Variants in YWHAQ observed in about 807,000 individuals in gnomAD.
The protein encoded by YWHAQ is tyrosine 3-monooxygenase/tryptophan 5-monooxygenase activation protein theta, also known as 14-3-3 protein theta.
A neutral mutation model predicts 28.3 loss-of-function variants in YWHAQ; 6 were observed. That is an observed-to-expected ratio of 0.21 (90% CI 0.12 to 0.42). The LOEUF is 0.42. YWHAQ is among the 10% of genes least tolerant of loss of function. The pLI is 1.00. For missense variants in YWHAQ, 201 were observed against 305.6 expected (o/e 0.66, Z 2.55); for synonymous variants, 143 against 119.1 (o/e 1.20, Z -1.31).
intron 2 of YWHAQ, among the ~76,000 whole-genome samples, chr2:9,625,273 A>C (rs544105602): frequency 1.8e-4 from 28 of 151,872 alleles, no homozygotes; most frequent in East Asian, 1.2e-3. Context: ...AAAAAAAAAA[A>C]AACCCAAACC....
chr2:9,585,645 C>T (rs1666327726), intron 5 of YWHAQ, among the ~76,000 whole-genome samples: 1 of 152,134 alleles, frequency 6.6e-6, no homozygotes, highest in African/African-American at 2.4e-5. Flanking sequence ...CAGTGGCTCA[C>T]GCCTGTAATC....
chr2:9,626,590 G>A (rs1334053455), intron 2 of YWHAQ, among the ~76,000 whole-genome samples: 1 of 152,114 alleles, frequency 6.6e-6, no homozygotes. Flanking sequence ...CACCACGCCT[G>A]GCTAATTTTT....
intron 2 of YWHAQ, among the ~76,000 whole-genome samples, chr2:9,627,167 A>G (rs1667263557): frequency 1.3e-5 from 2 of 152,224 alleles, no homozygotes; most frequent in African/African-American, 4.8e-5. Flanking sequence ...AAGGGTTGAG[A>G]GTTGTTCACA....
chr2:9,599,315 G>A (rs1039169486), intron 2 of YWHAQ, among the ~76,000 whole-genome samples: 1 of 152,214 alleles, frequency 6.6e-6, no homozygotes, highest in Non-Finnish European at 1.5e-5. Context: ...TAGAGCTGCA[G>A]TAAGTTATCC....
chr2:9,595,736 ATAGT>A (rs1307372215), intron 2 of YWHAQ, among the ~76,000 whole-genome samples: 1 of 150,456 alleles, frequency 6.6e-6, no homozygotes, highest in Non-Finnish European at 1.5e-5. Flanking sequence ...AGACGGGAGT[ATAGT>A]TAGATGTTCC....
intron 2 of YWHAQ, among the ~76,000 whole-genome samples, chr2:9,625,155 G>T (rs1043310636): frequency 1.3e-5 from 2 of 150,962 alleles, no homozygotes; most frequent in Admixed American, 6.6e-5. Flanking sequence ...CCAGCTACTC[G>T]GGAGGCTGAG....
chr2:9,629,367 A>G (rs1667309405), intron 2 of YWHAQ, among the ~76,000 whole-genome samples: 1 of 152,202 alleles, frequency 6.6e-6, no homozygotes, highest in African/African-American at 2.4e-5. Context: ...GGAATGACAA[A>G]GCTAAAAATG....
At chr2:9,596,100 T>C (rs1260288771) in intron 2 of YWHAQ, among the ~76,000 whole-genome samples, 2 of 151,986 alleles carry the variant, frequency 1.3e-5, no homozygotes, top group Admixed American at 6.6e-5. Flanking sequence ...CTTAGAAAAA[T>C]AGGATGGGAA....
intron 2 of YWHAQ, among the ~76,000 whole-genome samples, chr2:9,596,708 T>A (rs1379217446): frequency 6.6e-6 from 1 of 150,936 alleles, no homozygotes; most frequent in Non-Finnish European, 1.5e-5. Flanking sequence ...AGAGATTTTT[T>A]TTTTCCCCCT....
intron 2 of YWHAQ, among the ~76,000 whole-genome samples, chr2:9,602,839 AAAAAAAAAAAAAAAAAAAAAAAAATATAT>A (rs1479094482): frequency 1.4e-3 from 34 of 24,160 alleles, no homozygotes; most frequent in African/African-American, 4.3e-3. Flanking sequence ...TAAAAAAAAA[AAAAAAAAAAAAAAAAAAAAAAAAATATAT>A]ATATATATAT....
Position 9,591,506 on chromosome 2 carries a change from C to T in YWHAQ, c.304G>A (p.Asp102Asn). The T allele has an allele frequency of 6.2e-7, 1 of 1,607,676 alleles. No homozygotes were observed. The highest frequency in any genetic ancestry group is 8.5e-7 in the Non-Finnish European group (1 of 1,175,164). The change falls in exon 3 of 6, where the codon GAT becomes AAT. Residue 102 changes from aspartate (D) to asparagine (N), a missense_variant. Asp to Asn is a conservative substitution (Grantham distance 23). Around this residue, in one of 2 missense-constraint regions of YWHAQ, gnomAD observed 162 missense variants for 213.9 expected, o/e 0.76. Coordinates refer to ENST00000238081, the MANE Select transcript of YWHAQ (RefSeq NM_006826.4). Reference sequence around the variant, plus strand: ...GTTGCATTGGCTATTAAATATTTATCCAACAATTCCTGAAATAAATAAGAC... The same window carrying T: ...GTTGCATTGGCTATTAAATATTTATTCAACAATTCCTGAAATAAATAAGAC... ...SICTTVLELL[D>N]KYLIANATNP...
At chr2:9,610,494 C>T (rs1219547477) in intron 2 of YWHAQ, among the ~76,000 whole-genome samples, 1 of 152,098 alleles carries the variant, frequency 6.6e-6, no homozygotes, top group African/African-American at 2.4e-5. Flanking sequence ...TCTGGATGGA[C>T]CACTGGAACT....
intron 3 of YWHAQ, 85 bp downstream of exon 3, chr2:9,591,307 G>T: frequency 7.0e-7 from 1 of 1,430,476 alleles, no homozygotes. Context: ...AGAGCCTGAA[G>T]ACTACGTATA....
chr2:9,599,438 A>AG (rs1309957665), intron 2 of YWHAQ, among the ~76,000 whole-genome samples: 1 of 152,190 alleles, frequency 6.6e-6, no homozygotes, highest in Non-Finnish European at 1.5e-5. Flanking sequence ...CTTTCATAGG[A>AG]GGTCAGTATC....
At chr2:9,606,091 G>A (rs1666821863) in intron 2 of YWHAQ, among the ~76,000 whole-genome samples, 2 of 152,078 alleles carry the variant, frequency 1.3e-5, no homozygotes, top group Non-Finnish European at 2.9e-5. Context: ...TTCCTCTGAG[G>A]AACACTTAAG....
chr2:9,614,616 T>C (rs1156286523), intron 2 of YWHAQ, among the ~76,000 whole-genome samples: 2 of 152,166 alleles, frequency 1.3e-5, no homozygotes, highest in Non-Finnish European at 2.9e-5. Context: ...TTAGTATATA[T>C]GGGTCAAGTT....
chr2:9,588,464 G>A, intron 3 of YWHAQ, 136 bp from the exon 4 acceptor site: 1 of 1,040,642 alleles, frequency 9.6e-7, no homozygotes, highest in Non-Finnish European at 1.4e-6. Flanking sequence ...TTAAAATCAT[G>A]GTAGCTAACA....
chr2:9,586,453 G>A (rs1348999572), intron 5 of YWHAQ, among the ~76,000 whole-genome samples: 2 of 152,146 alleles, frequency 1.3e-5, no homozygotes, highest in Non-Finnish European at 2.9e-5. Context: ...CCAAAGACCT[G>A]TCTCCATAAT....
Position 9,630,402 on chromosome 2 carries a change from C to T in YWHAQ, c.51G>A (p.Glu17=), listed in dbSNP as rs1170342841. ...TGCAGGTGGCCATGTCGTCGTAGCG[C>T]TCGGCCTGCTCGGCCAGCTTGGCCT... The part of the protein sequence containing the change: ...IQKAKLAEQA[E]RYDDMATCMK... The change falls in exon 2 of 6, where the codon GAG becomes GAA. Residue 17 remains glutamate (E), a synonymous_variant. Coordinates refer to ENST00000238081, the MANE Select transcript of YWHAQ (RefSeq NM_006826.4). The surrounding 1 kb of genome is among the most constrained non-coding windows in gnomAD (Gnocchi z 5.6). 1 of 1,613,470 alleles carries T rather than the reference C, an allele frequency of 6.2e-7. No homozygotes were observed. Among genetic ancestry groups the T allele is most frequent in the South Asian group, 1.1e-5 (1 of 91,074 alleles).
Sources: gnomAD v4.1 joint callset for allele counts (sites outside exome capture counted in the v4.1 genomes callset) on GRCh38, gnomAD v4.1.1 for gene constraint, gnomAD v4.1.1 regional missense constraint, Gnocchi (gnomAD v3.1) non-coding constraint, MANE v1.5 for transcripts, NCBI Gene and HGNC (gene_info 2026-07-23, HGNC 2026-07-21) for gene names.